Variants in ARMC3 observed in about 807,000 individuals in gnomAD.
The protein encoded by ARMC3 is armadillo repeat containing 3.
Under a neutral mutation model 90.3 loss-of-function variants are expected in ARMC3, and 74 were observed. The ratio of observed to expected loss-of-function variants is 0.82; its 90% CI spans 0.68 to 0.99. The LOEUF is 0.99. Ranked by LOEUF, ARMC3 falls within the 50% of genes least tolerant of loss-of-function variation. The probability of loss-of-function intolerance (pLI) is 0.00; values close to 1 mark genes in which losing one functional copy is unlikely to be tolerated. For missense variants in ARMC3, 958 were observed against 1,042.8 expected, an observed-to-expected ratio of 0.92 and a Z score of 1.12; for synonymous variants, 334 against 361.8, an observed-to-expected ratio of 0.92 and a Z score of 0.87.
intron 2 of ARMC3, among the ~76,000 whole-genome samples, chr10:22,933,607 G>A (rs1834012018): frequency 6.6e-6 from 1 of 152,110 alleles, no homozygotes; most frequent in Admixed American, 6.5e-5. Context: ...CCTTTCCCAG[G>A]GGACTTCTAC....
intron 10 of ARMC3, among the ~76,000 whole-genome samples, chr10:22,988,117 G>C (rs1225826068): frequency 2.0e-5 from 3 of 152,166 alleles, no homozygotes; most frequent in African/African-American, 7.2e-5. Context: ...TGGATAACTT[G>C]TCATTTTGTA....
chr10:23,001,325 G>A (rs1312054886), intron 11 of ARMC3, among the ~76,000 whole-genome samples: 1 of 152,118 alleles, frequency 6.6e-6, no homozygotes, highest in African/African-American at 2.4e-5. Context: ...AGCTTCCAGG[G>A]GCTTCCCACA....
chr10:22,929,519 A>G lies in ARMC3; in HGVS notation c.-2+1413A>G, dbSNP rs116431830. 7.0e-3 allele frequency among the ~76,000 whole-genome samples: 1,064 copies of G among 152,248 alleles called. 10 individuals are homozygous for G. Among genetic ancestry groups the G allele is most frequent in the African/African-American group, 0.024 (1,010 of 41,552 alleles). ...CTGTTCAGTCTCTCCTCCATTAACTATCATACCCAATATGGTGATAAAACA... is the reference window on the plus strand; with the variant it reads ...CTGTTCAGTCTCTCCTCCATTAACTGTCATACCCAATATGGTGATAAAACA... On this transcript the variant is annotated intron_variant, in intron 1 of 18. Coordinates refer to ENST00000298032, the MANE Select transcript of ARMC3 (RefSeq NM_173081.5).
rs962068531 is a variant in ARMC3, at chr10:23,029,025, G to A, written c.2046-1571G>A. The stretch of plus-strand genomic sequence containing the variant: ...CCATATCTACAGCCAAATAGCAGAA[G>A]GTCTGAGGTAGTATAAAGCAATTTT... On this transcript the variant is annotated intron_variant, in intron 16 of 18. Transcript: ENST00000298032. 3.9e-5 allele frequency among the ~76,000 whole-genome samples: 6 copies of A among 152,228 alleles called. No individual in the cohort carries two copies. The South Asian group carries it at 1.0e-3, about 26-fold the overall frequency.
At chr10:23,020,446 C>A (rs183853910) in intron 16 of ARMC3, among the ~76,000 whole-genome samples, 8 of 152,254 alleles carry the variant, frequency 5.3e-5, no homozygotes, top group Admixed American at 4.6e-4. Flanking sequence ...GTTTTAATTT[C>A]TCTAGGGTAA....
chr10:22,932,519 T>C (rs1018103992), intron 2 of ARMC3, among the ~76,000 whole-genome samples: 2 of 152,248 alleles, frequency 1.3e-5, no homozygotes, highest in African/African-American at 4.8e-5. Flanking sequence ...ATCATCATTT[T>C]TATTCCAAAT....
chr10:22,952,898 G>A (rs10828381), intron 3 of ARMC3, among the ~76,000 whole-genome samples: 66,527 of 152,108 alleles, frequency 0.44, 16,824 homozygotes, highest in African/African-American at 0.7. Context: ...GTATTTTACC[G>A]TGTGGGGTAG....
intron 13 of ARMC3, 172 bp from the exon 14 acceptor site, chr10:23,006,712 C>T: frequency 1.7e-6 from 1 of 580,462 alleles, no homozygotes; most frequent in South Asian, 2.0e-5. Flanking sequence ...GCAAGAACAT[C>T]CACAAGCTTC....
chr10:23,010,624 C>T (rs1236251355), intron 16 of ARMC3, among the ~76,000 whole-genome samples: 8 of 139,264 alleles, frequency 5.7e-5, no homozygotes, highest in African/African-American at 2.1e-4. Flanking sequence ...CATTCCCTGA[C>T]CTACCATCTT....
rs896933754 is a variant in ARMC3, at chr10:22,998,412, A to G, written c.1425+15A>G. 2 of 1,613,030 alleles carry G rather than the reference A, an allele frequency of 1.2e-6. No individual in the cohort carries two copies. Among genetic ancestry groups the G allele is most frequent in the African/African-American group, 2.7e-5 (2 of 74,914 alleles). On this transcript the variant is annotated intron_variant, in intron 11 of 18. Transcript: ENST00000298032. ...CCCGGACTGAGGTGAGAATTTTAAT[A>G]ACATGTGTTCTCTCATTTTTCTGGT...
Position 22,959,938 on chromosome 10 carries a change from C to A in ARMC3, c.537+364C>A, listed in dbSNP as rs1835121694. On this transcript the variant is annotated intron_variant, in intron 6 of 18. Transcript: ENST00000298032. ...CTAAGCACATTGGATGTAATATATA[C>A]CCTATTCAATGTACTGAGATTTTGG... The A allele has an allele frequency of 9.5e-6, 4 of 420,778 alleles. No individual in the cohort carries two copies. In the Admixed American group the frequency reaches 1.0e-4, roughly 11 times the overall value. The allele number at this position is 420,778 out of a possible 1,614,324, so 26.1% of individuals were successfully genotyped here. A position where few individuals can be genotyped will look rare whatever the true frequency, so the allele number is the denominator to read the frequency against.
intron 16 of ARMC3, among the ~76,000 whole-genome samples, chr10:23,021,947 C>T (rs1019487952): frequency 6.6e-6 from 1 of 152,096 alleles, no homozygotes; most frequent in Non-Finnish European, 1.5e-5. Context: ...GTATCTTTCT[C>T]AGAGCAAAAG....
At chr10:22,987,222 T>G (rs1297486985) in intron 10 of ARMC3, among the ~76,000 whole-genome samples, 1 of 152,236 alleles carries the variant, frequency 6.6e-6, no homozygotes, top group East Asian at 1.9e-4. Context: ...TCCTGTATGC[T>G]TCTATCCAAT....
intron 12 of ARMC3, among the ~76,000 whole-genome samples, chr10:23,002,780 G>T (rs1233737918): frequency 6.6e-6 from 1 of 151,852 alleles, no homozygotes; most frequent in Admixed American, 6.6e-5. Flanking sequence ...TGCCGTGTTG[G>T]CCAGGCTGGT....
intron 8 of ARMC3, among the ~76,000 whole-genome samples, chr10:22,972,873 G>A (rs1010213353): frequency 1.3e-5 from 2 of 152,170 alleles, no homozygotes; most frequent in Non-Finnish European, 2.9e-5. Flanking sequence ...GTCTTATGCA[G>A]CAAGTATTTT....
At chr10:23,017,967 A>G (rs1333922463) in intron 16 of ARMC3, among the ~76,000 whole-genome samples, 3 of 152,248 alleles carry the variant, frequency 2.0e-5, no homozygotes, top group African/African-American at 7.2e-5. Context: ...CAAGGTGTGT[A>G]AGAAAATCTG....
chr10:22,944,721 C>T (rs1313826138), intron 2 of ARMC3, among the ~76,000 whole-genome samples: 5 of 152,156 alleles, frequency 3.3e-5, no homozygotes, highest in Non-Finnish European at 7.4e-5. Flanking sequence ...TTCTCAAGCC[C>T]CAAACCCTAA....
At chr10:22,937,036 G>A (rs1405715922) in intron 2 of ARMC3, among the ~76,000 whole-genome samples, 1 of 151,926 alleles carries the variant, frequency 6.6e-6, no homozygotes, top group Non-Finnish European at 1.5e-5. Flanking sequence ...TTGAGTAGCC[G>A]GGACTAAAGG....
chr10:23,001,880 T>A, intron 11 of ARMC3, 39 bp from the exon 12 acceptor site: 1 of 1,597,416 alleles, frequency 6.3e-7, no homozygotes, highest in East Asian at 2.2e-5. Flanking sequence ...AGTTACATTC[T>A]ACACTCTTAA....
Sources: allele counts gnomAD v4.1 joint callset (sites outside exome capture counted in the v4.1 genomes callset), GRCh38; gene constraint gnomAD v4.1.1; transcripts MANE v1.5; gene names NCBI Gene and HGNC (gene_info 2026-07-23, HGNC 2026-07-21).